The following PPIP5K2 variants were observed in gnomAD, a reference collection of about 807,000 sequenced individuals.
The protein encoded by PPIP5K2 is diphosphoinositol pentakisphosphate kinase 2.
In PPIP5K2, 105 loss-of-function variants were observed where a neutral mutation model predicts 154.6. That is an observed-to-expected ratio of 0.68 (90% CI 0.58 to 0.80). The LOEUF is 0.80. Among genes scored for constraint, PPIP5K2 ranks in the 30% least tolerant of loss-of-function variants. The pLI, the probability that PPIP5K2 is intolerant of heterozygous loss-of-function variation, is 0.00. For missense variants in PPIP5K2, 992 were observed against 1,504.6 expected (o/e 0.66, Z 5.64); for synonymous variants, 480 against 490.3 (o/e 0.98, Z 0.28).
chr5:103,166,149 C>T (rs868924251), intron 17 of PPIP5K2, among the ~76,000 whole-genome samples: 1 of 151,982 alleles, frequency 6.6e-6, no homozygotes, highest in Non-Finnish European at 1.5e-5. Flanking sequence ...GCAGACTGGT[C>T]AAGAGCAGAG....
At chr5:103,172,490 C>T (rs782186488) in intron 19 of PPIP5K2, among the ~76,000 whole-genome samples, 5 of 151,110 alleles carry the variant, frequency 3.3e-5, no homozygotes, top group Non-Finnish European at 7.4e-5. Flanking sequence ...TCCCTCTTTC[C>T]CACTCTACCC....
At chr5:103,133,106 TG>T (rs1283749821) in intron 2 of PPIP5K2, among the ~76,000 whole-genome samples, 3 of 152,196 alleles carry the variant, frequency 2.0e-5, no homozygotes, top group African/African-American at 7.2e-5. Flanking sequence ...ATAGAGTGGA[TG>T]GGTTTTGACT....
intron 29 of PPIP5K2, 90 bp downstream of exon 29, chr5:103,191,072 A>C: frequency 7.7e-7 from 1 of 1,297,270 alleles, no homozygotes; most frequent in South Asian, 1.5e-5. Flanking sequence ...ACATAAAAGC[A>C]GGTAGTGGTA....
intron 2 of PPIP5K2, among the ~76,000 whole-genome samples, chr5:103,131,201 A>T (rs1290935941): frequency 6.6e-6 from 1 of 152,012 alleles, no homozygotes; most frequent in Non-Finnish European, 1.5e-5. Context: ...TTCAATATCC[A>T]TGGGGGATTG....
intron 1 of PPIP5K2, among the ~76,000 whole-genome samples, chr5:103,122,593 A>T (rs1554199431): frequency 1.3e-5 from 2 of 152,202 alleles, no homozygotes; most frequent in Non-Finnish European, 2.9e-5. Context: ...AAGCCTATTT[A>T]TTCCCTATTA....
At chr5:103,195,552 G>A (rs1187047508) in intron 30 of PPIP5K2, among the ~76,000 whole-genome samples, 1 of 152,020 alleles carries the variant, frequency 6.6e-6, no homozygotes, top group Admixed American at 6.6e-5. Context: ...ATTTTTATTA[G>A]CATTTTTCTA....
At position 103,183,418 on chromosome 5, in the gene PPIP5K2, T is replaced by G; in HGVS notation, c.3096+11T>G. On this transcript the variant is annotated intron_variant, in intron 25 of 30. Transcript: ENST00000358359. ...GGCTCATGGCAACAGGTTTTTAAAC[T>G]TTACTTCATTAAACATTTTTCCTCC... The G allele has an allele frequency of 6.3e-7, 1 of 1,599,452 alleles. No individual in the cohort carries two copies. Among genetic ancestry groups the G allele is most frequent in the Non-Finnish European group, 8.5e-7 (1 of 1,173,090 alleles).
intron 29 of PPIP5K2, among the ~76,000 whole-genome samples, chr5:103,192,358 C>T (rs1554227179): frequency 6.6e-6 from 1 of 152,022 alleles, no homozygotes; most frequent in Non-Finnish European, 1.5e-5. Context: ...TTCTCTATAA[C>T]CTGCTAGAAT....
At chr5:103,138,520 TG>T (rs1156627498) in intron 5 of PPIP5K2, 51 bp downstream of exon 5, 1 of 1,176,936 alleles carries the variant, frequency 8.5e-7, no homozygotes, top group East Asian at 2.4e-5. Flanking sequence ...GACATACTTT[TG>T]GGCCACATTC....
chr5:103,125,082 T>G (rs1789429589), intron 1 of PPIP5K2, among the ~76,000 whole-genome samples: 1 of 152,212 alleles, frequency 6.6e-6, no homozygotes. Flanking sequence ...ACAAAAATTC[T>G]GCTTCATCGG....
At chr5:103,124,251 A>G (rs1241061847) in intron 1 of PPIP5K2, among the ~76,000 whole-genome samples, 6 of 146,470 alleles carry the variant, frequency 4.1e-5, no homozygotes, top group Non-Finnish European at 7.4e-5. Flanking sequence ...CTGCACTCCA[A>G]CCTGGGGACA....
chr5:103,162,350 C>CTTTTTTTTT (rs200973581), intron 17 of PPIP5K2, among the ~76,000 whole-genome samples: 47 of 138,394 alleles, frequency 3.4e-4, no homozygotes, highest in Non-Finnish European at 4.2e-4. Context: ...GATGTGTTTT[C>CTTTTTTTTT]TTTTTTTTTT....
chr5:103,184,485 A>G (rs1800046200), intron 25 of PPIP5K2, 187 bp from the exon 26 acceptor site: 4 of 499,804 alleles, frequency 8.0e-6, no homozygotes, highest in African/African-American at 3.9e-5. Context: ...CTTCATTGCA[A>G]GGACCTCATG....
chr5:103,189,219 C>T (rs1316625511), intron 28 of PPIP5K2: 6 of 1,526,078 alleles, frequency 3.9e-6, no homozygotes, highest in South Asian at 2.4e-5. Flanking sequence ...AATTTCTAGG[C>T]TCCAGTGGTA....
rs368346311 is a variant in PPIP5K2, at chr5:103,179,032, C to G, written c.2755-989C>G. ...AACTTGATATATGCTGTTATTCATT[C>G]TAATAATTTACCCTTAGAGTCATCT... On this transcript the variant is annotated intron_variant, in intron 23 of 30. Coordinates refer to ENST00000358359, the MANE Select transcript of PPIP5K2 (RefSeq NM_001276277.3). Among the ~76,000 whole-genome samples, 254 of 151,856 alleles carry G rather than the reference C, an allele frequency of 1.7e-3. 9 individuals carry two copies. The South Asian group carries it at 0.05, about 30-fold the overall frequency.
chr5:103,187,068 A>C (rs1800500536), intron 27 of PPIP5K2, among the ~76,000 whole-genome samples: 1 of 152,156 alleles, frequency 6.6e-6, no homozygotes, highest in Non-Finnish European at 1.5e-5. Context: ...ACAGTAAAAC[A>C]TGGATTTACC....
Position 103,209,776 on chromosome 5 carries a change from A to C in PPIP5K2, c.*8142A>C, listed in dbSNP as rs1380307947. On this transcript the variant is annotated 3_prime_UTR_variant, in exon 31 of 31. Transcript: ENST00000358359. ...ATGGATGGATGGATGAATGAAGGAA[A>C]AATTAGGAGAAAAGAGAAAGCAGAG... The C allele has an allele frequency of 6.6e-6, 1 of 152,114 alleles. No homozygotes were observed. The highest frequency in any genetic ancestry group is 1.5e-5 in the Non-Finnish European group (1 of 68,024). 9.4% of individuals were successfully genotyped at this position (152,114 alleles called of 1,614,324 possible). A position where few individuals can be genotyped will look rare whatever the true frequency, so the allele number is the denominator to read the frequency against.
chr5:103,198,777 AT>A (rs782160290), intron 30 of PPIP5K2, among the ~76,000 whole-genome samples: 7 of 152,148 alleles, frequency 4.6e-5, no homozygotes. Context: ...GTTCATTAAC[AT>A]TTAATGTAAT....
In PPIP5K2 at chr5:103,206,900, CA is replaced by C. The variant is rs1803545383; in HGVS notation, c.*5267del. On this transcript the variant is annotated 3_prime_UTR_variant, in exon 31 of 31. Coordinates refer to ENST00000358359, the MANE Select transcript of PPIP5K2 (RefSeq NM_001276277.3). ...GACCTCAAGGACTGCGGACAGGGAG[CA>C]GGGAAGGGTTAGAAGTAGAAAACAA... is the stretch of plus-strand genomic sequence containing the variant. 1 of 152,234 alleles carries C rather than the reference CA, an allele frequency of 6.6e-6. No homozygotes were observed. The highest frequency in any genetic ancestry group is 6.5e-5 in the Admixed American group (1 of 15,272). 9.4% of individuals were successfully genotyped at this position (152,234 alleles called of 1,614,324 possible). A position where few individuals can be genotyped will look rare whatever the true frequency, so the allele number is the denominator to read the frequency against.
Sources: allele counts gnomAD v4.1 joint callset (sites outside exome capture counted in the v4.1 genomes callset), GRCh38; gene constraint gnomAD v4.1.1; transcripts MANE v1.5; gene names NCBI Gene and HGNC (gene_info 2026-07-23, HGNC 2026-07-21).